The following PPFIA4 variants were observed in gnomAD, a reference collection of about 807,000 sequenced individuals.
PPFIA4 encodes the protein PPFI scaffold protein A4, also known as liprin-alpha-4.
In PPFIA4, 98 loss-of-function variants were observed where a neutral mutation model predicts 145.7. The ratio of observed to expected loss-of-function variants is 0.67; its 90% CI spans 0.57 to 0.80. The LOEUF (loss-of-function observed/expected upper bound fraction) is 0.80, where lower values mean the gene tolerates loss of function less well. PPFIA4 is among the 30% of genes least tolerant of loss of function. The probability of loss-of-function intolerance (pLI) is 0.00; values close to 1 mark genes in which losing one functional copy is unlikely to be tolerated. For missense variants in PPFIA4, 1,457 were observed against 1,632.7 expected (o/e 0.89, Z 1.85); for synonymous variants, 628 against 649.6 (o/e 0.97, Z 0.51).
chr1:203,056,756 C>G, intron 18 of PPFIA4, 28 bp from the exon 19 acceptor site: 1 of 1,533,594 alleles, frequency 6.5e-7, no homozygotes, highest in Non-Finnish European at 8.9e-7. Context: ...TCTTCTTATT[C>G]CGCCCCCTTC....
intron 6 of PPFIA4, 33 bp from the exon 7 acceptor site, chr1:203,045,335 T>A: frequency 6.6e-7 from 1 of 1,514,868 alleles, no homozygotes; most frequent in South Asian, 1.3e-5. Flanking sequence ...GATGCTGCTG[T>A]GACTCACAGA....
rs889366994 is a variant in PPFIA4, at chr1:203,056,588, A to G, written c.2240+80A>G. On this transcript the variant is annotated intron_variant, in intron 18 of 29. Coordinates refer to ENST00000295706, the MANE Select transcript of PPFIA4 (RefSeq NM_001304331.2). Reference sequence around the variant, plus strand: ...CTTCCTCTGCCTCTGCAGGGACCGCATCTCCCCTGTCCCAGTTTCTGAATG... The same window carrying G: ...CTTCCTCTGCCTCTGCAGGGACCGCGTCTCCCCTGTCCCAGTTTCTGAATG... 4.8e-5 allele frequency: 73 copies of G among 1,525,010 alleles called. No homozygotes were observed. In the South Asian group the frequency reaches 8.0e-4, roughly 17 times the overall value. 94.5% of individuals were successfully genotyped at this position (1,525,010 alleles called of 1,614,324 possible).
At chr1:203,049,088 A>G (rs1571693381) in intron 12 of PPFIA4, 108 bp downstream of exon 12, 5 of 1,032,940 alleles carry the variant, frequency 4.8e-6, no homozygotes, top group Non-Finnish European at 5.7e-6. Context: ...GTGTTAGTGC[A>G]TATGTTAGTG....
chr1:203,030,215 A>G (rs1658718828), intron 1 of PPFIA4, among the ~76,000 whole-genome samples: 1 of 152,128 alleles, frequency 6.6e-6, no homozygotes, highest in African/African-American at 2.4e-5. Flanking sequence ...ATGTTGTGAA[A>G]GGAACTCCCA....
rs775975176 is a variant in PPFIA4 at position 203,030,718 on chromosome 1, T to TA, written c.-400+4090dup. ...ATAGGTTCGAGGCCACACGTGGACT[T>TA]ACGCTGTCTCATGAGCAGCAATACA... On this transcript the variant is annotated intron_variant, in intron 1 of 29. Transcript: ENST00000295706. Among the ~76,000 whole-genome samples the TA allele has an allele frequency of 1.0e-3, 155 of 152,120 alleles. 3 individuals carry two copies. The highest frequency in any genetic ancestry group is 3.2e-3 in the African/African-American group (131 of 41,550).
Position 203,055,770 on chromosome 1 carries a change from C to A in PPFIA4, c.2070+98C>A. 1 of 1,539,772 alleles carries A rather than the reference C, an allele frequency of 6.5e-7. No homozygotes were observed. Among genetic ancestry groups the A allele is most frequent in the East Asian group, 2.3e-5 (1 of 44,272 alleles). On this transcript the variant is annotated intron_variant, in intron 16 of 29. Transcript: ENST00000295706. The surrounding 1 kb of genome is among the most constrained non-coding windows in gnomAD (Gnocchi z 4.8). ...ACTCACGTGCTCTCAGCTGGGCCTG[C>A]CATCTTCTTCCCATGGTGTGTGCAG...
chr1:203,046,812 G>C (rs1660121784), intron 9 of PPFIA4, among the ~76,000 whole-genome samples: 1 of 152,186 alleles, frequency 6.6e-6, no homozygotes, highest in South Asian at 2.1e-4. Flanking sequence ...AGGGGTGAGA[G>C]TTAGGTTGAG....
At chr1:203,059,957 C>T in intron 21 of PPFIA4, 106 bp downstream of exon 21, 1 of 977,570 alleles carries the variant, frequency 1.0e-6, no homozygotes, top group South Asian at 1.4e-5. Context: ...TCTCCCCTGC[C>T]AAGTGGAAGT....
rs974635687 is a variant in PPFIA4, at chr1:203,049,045, C to T, written c.1419+65C>T. ...CGGGTTGCAGGGAGGAAAGGACACCCTGCTTTTAACGCTGCTGCTCTGATA... is the reference window on the plus strand; with the variant it reads ...CGGGTTGCAGGGAGGAAAGGACACCTTGCTTTTAACGCTGCTGCTCTGATA... On this transcript the variant is annotated intron_variant, in intron 12 of 29. Coordinates refer to ENST00000295706, the MANE Select transcript of PPFIA4 (RefSeq NM_001304331.2). 14 of 1,457,426 alleles carry T rather than the reference C, an allele frequency of 9.6e-6. No homozygotes were observed. The East Asian group carries it at 2.5e-4, about 26-fold the overall frequency. 90.3% of individuals were successfully genotyped at this position (1,457,426 alleles called of 1,614,324 possible).
At chr1:203,049,624 C>T (rs1367544693) in intron 12 of PPFIA4, 52 bp from the exon 13 acceptor site, 8 of 1,332,374 alleles carry the variant, frequency 6.0e-6, no homozygotes, top group East Asian at 2.7e-5. Context: ...CCCTCCCTCT[C>T]TGCCCCTCCC....
In PPFIA4 at chr1:203,061,668, G is replaced by C. The variant is rs200142559; in HGVS notation, c.2864G>C (p.Ser955Thr). 1.7e-4 allele frequency: 260 copies of C among 1,566,092 alleles called. 1 individual carries two copies. Among genetic ancestry groups the C allele is most frequent in the Non-Finnish European group, 7.6e-5 (88 of 1,155,230 alleles). The change falls in exon 24 of 30, where the codon AGC (serine) becomes ACC (threonine). Residue 955 changes from serine (S) to threonine (T), a missense_variant. By Grantham distance (58) the Ser-to-Thr change is moderately conservative (BLOSUM62 1). Coordinates refer to ENST00000295706, the MANE Select transcript of PPFIA4 (RefSeq NM_001304331.2). ...TSTKTDSEEGSWAQTLAYGDM... is the reference protein window; with the variant it reads ...TSTKTDSEEGTWAQTLAYGDM... ...TCCTGCTAGGACAGTGAGGAGGGCA[G>C]CTGGGCTCAGGTAAGACTCCCTACC...
intron 1 of PPFIA4, chr1:203,037,219 C>T (rs1558065399): frequency 2.8e-6 from 1 of 351,660 alleles, no homozygotes; most frequent in Non-Finnish European, 6.0e-6. Flanking sequence ...GAGGCCCGGC[C>T]CTTCTCTCTT....
At chr1:203,034,008 C>T (rs888551271) in intron 1 of PPFIA4, among the ~76,000 whole-genome samples, 5 of 152,044 alleles carry the variant, frequency 3.3e-5, no homozygotes, top group Admixed American at 2.0e-4. Context: ...CTGTTCAGTT[C>T]CATGGGTGTT....
intron 13 of PPFIA4, chr1:203,051,388 C>A: frequency 1.1e-6 from 1 of 906,132 alleles, no homozygotes; most frequent in Non-Finnish European, 1.3e-6. Context: ...TCTCCCAGTG[C>A]CTGGAGCCCT....
chr1:203,055,102 G>A lies in PPFIA4; in HGVS notation c.1830-330G>A, dbSNP rs1171639695. On this transcript the variant is annotated intron_variant, in intron 15 of 29. Coordinates refer to ENST00000295706, the MANE Select transcript of PPFIA4 (RefSeq NM_001304331.2). The surrounding 1 kb of genome is among the most constrained non-coding windows in gnomAD (Gnocchi z 4.8). ...GCTGACTTATACCACTTCAGACATA[G>A]CATATGTTGGGAAACTGAGGCACAG... Among the ~76,000 whole-genome samples the A allele has an allele frequency of 1.3e-5, 2 of 152,208 alleles. No homozygotes were observed. Among genetic ancestry groups the A allele is most frequent in the Admixed American group, 6.5e-5 (1 of 15,284 alleles).
At chr1:203,029,443 CA>C (rs1002469588) in intron 1 of PPFIA4, among the ~76,000 whole-genome samples, 1 of 152,238 alleles carries the variant, frequency 6.6e-6, no homozygotes, top group African/African-American at 2.4e-5. Flanking sequence ...CTGGCTGTGC[CA>C]GAGACTGAGT....
At chr1:203,033,350 C>A (rs1658983720) in intron 1 of PPFIA4, among the ~76,000 whole-genome samples, 1 of 152,186 alleles carries the variant, frequency 6.6e-6, no homozygotes, top group Admixed American at 6.5e-5. Context: ...AGTTTTTTCT[C>A]TGGGAATGGC....
chr1:203,052,067 G>A (rs1660573370), intron 14 of PPFIA4, among the ~76,000 whole-genome samples, 190 bp downstream of exon 14: 1 of 130,442 alleles, frequency 7.7e-6, no homozygotes, highest in Non-Finnish European at 1.6e-5. Context: ...GCTTGCCTTG[G>A]CCTCCTGGTG....
rs944678124 is a variant in PPFIA4 at position 203,056,142 on chromosome 1, G to C, written c.2093G>C (p.Arg698Thr). 1.2e-6 allele frequency: 2 copies of C among 1,613,806 alleles called. No individual in the cohort carries two copies. The highest frequency in any genetic ancestry group is 1.7e-6 in the Non-Finnish European group (2 of 1,179,866). The change falls in exon 17 of 30, where the codon AGG becomes ACG. Residue 698 changes from arginine (R) to threonine (T), a missense_variant. Around this residue, in one of 3 missense-constraint regions of PPFIA4, gnomAD observed 848 missense variants for 1,046.7 expected, o/e 0.81. Coordinates refer to ENST00000295706, the MANE Select transcript of PPFIA4 (RefSeq NM_001304331.2). ...CAGCCCAGTGACTTAAGAAAGCATA[G>C]GAGGAAGCTGCTGGTGAGTGCTGCC... ...MTLPSDLRKHRRKLLSPVSRE... is the reference protein window; with the variant it reads ...MTLPSDLRKHTRKLLSPVSRE...
Sources: gnomAD v4.1 joint callset for allele counts (sites outside exome capture counted in the v4.1 genomes callset) on GRCh38, gnomAD v4.1.1 for gene constraint, gnomAD v4.1.1 regional missense constraint, Gnocchi (gnomAD v3.1) non-coding constraint, MANE v1.5 for transcripts, NCBI Gene and HGNC (gene_info 2026-07-23, HGNC 2026-07-21) for gene names.